MAMDC4: variants seen among roughly 807,000 people sequenced by gnomAD.
MAMDC4 encodes the protein apical endosomal glycoprotein.
A neutral mutation model predicts 153.3 loss-of-function variants in MAMDC4; 168 were observed. The ratio of observed to expected loss-of-function variants is 1.10; its 90% CI spans 0.97 to 1.25. The LOEUF (loss-of-function observed/expected upper bound fraction) is 1.25, where lower values mean the gene tolerates loss of function less well. MAMDC4 is among the 50% of genes most tolerant of loss of function. The pLI, the probability that MAMDC4 is intolerant of heterozygous loss-of-function variation, is 0.00. For missense variants in MAMDC4, 1,701 were observed against 1,542.8 expected (o/e 1.10, Z -1.72); for synonymous variants, 744 against 651.5 (o/e 1.14, Z -2.16).
rs749447496 is a variant in MAMDC4, at chr9:136,855,502, C to T, written c.1354C>T (p.Arg452Trp). 58 of 1,595,768 alleles carry T rather than the reference C, an allele frequency of 3.6e-5. No homozygotes were observed. Among genetic ancestry groups the T allele is most frequent in the Non-Finnish European group, 4.6e-5 (54 of 1,171,700 alleles). Residue 452 changes from arginine (R) to tryptophan (W), a missense_variant, in exon 12 of 27, where the codon CGG becomes TGG. Arg to Trp is a moderately radical substitution (Grantham distance 101). Coordinates refer to ENST00000317446, the MANE Select transcript of MAMDC4 (RefSeq NM_206920.3). Reference protein sequence around the residue: ...PAPQPLPPSSRLQDSCKQGHL... With the variant: ...PAPQPLPPSSWLQDSCKQGHL... Reference sequence around the variant, plus strand: ...CCCCCAGCCCCTGCCGCCCAGCTCGCGGCTCCAGGATTCCTGCAAGCAGGG... The same window carrying T: ...CCCCCAGCCCCTGCCGCCCAGCTCGTGGCTCCAGGATTCCTGCAAGCAGGG...
rs1042741652 is a variant in MAMDC4 at position 136,853,050 on chromosome 9, G to A, written c.47-52G>A. 4.0e-6 allele frequency: 6 copies of A among 1,492,666 alleles called. No individual in the cohort carries two copies. In the Admixed American group the frequency reaches 8.5e-5, roughly 21 times the overall value. 92.5% of individuals were successfully genotyped at this position (1,492,666 alleles called of 1,614,324 possible). Reference sequence around the variant, plus strand: ...AAACTGAATAGTCCTAGGCAGGCTGGGATGGCTGGTCACCCTGCCCCCAGG... The same window carrying A: ...AAACTGAATAGTCCTAGGCAGGCTGAGATGGCTGGTCACCCTGCCCCCAGG... On this transcript the variant is annotated intron_variant, in intron 1 of 26. Transcript: ENST00000317446.
chr9:136,854,922 C>A lies in MAMDC4; in HGVS notation c.1024-15C>A, dbSNP rs916254907. On this transcript the variant is annotated splice_polypyrimidine_tract_variant and intron_variant, in intron 9 of 26. Transcript: ENST00000317446. ...TGCCCCGGTGCAGGCCCCCAGCCAG[C>A]TCTTGGTTCCACAGCTGGTCTTCTA... The A allele has an allele frequency of 2.5e-6, 4 of 1,612,210 alleles. No homozygotes were observed. In the African/African-American group the frequency reaches 5.3e-5, roughly 21 times the overall value.
In MAMDC4 at chr9:136,855,829, G is replaced by A. The variant is rs1848996772; in HGVS notation, c.1569G>A (p.Gly523=). The A allele has an allele frequency of 1.3e-6, 2 of 1,520,322 alleles. No individual in the cohort carries two copies. Among genetic ancestry groups the A allele is most frequent in the African/African-American group, 1.4e-5 (1 of 72,380 alleles). The allele number at this position is 1,520,322 out of a possible 1,614,324, so 94.2% of individuals were successfully genotyped here. A position where few individuals can be genotyped will look rare whatever the true frequency, so the allele number is the denominator to read the frequency against. ...WRRVSAQESQ[G]SSAAAAGHFL... ...GTGTCTCAGCCCAGGAGAGCCAGGGGTCCAGTGCAGCTGCTGCTGGTGAGG... is the reference window on the plus strand; with the variant it reads ...GTGTCTCAGCCCAGGAGAGCCAGGGATCCAGTGCAGCTGCTGCTGGTGAGG... The change falls in exon 13 of 27, where the codon GGG becomes GGA. Residue 523 remains glycine (G), a synonymous_variant. Coordinates refer to ENST00000317446, the MANE Select transcript of MAMDC4 (RefSeq NM_206920.3).
At position 136,853,274 on chromosome 9, in the gene MAMDC4, C is replaced by G. The variant is rs1252760691; in HGVS notation, c.155-11C>G. On this transcript the variant is annotated splice_polypyrimidine_tract_variant and intron_variant, in intron 2 of 26. Transcript: ENST00000317446. ...CAGGTCTGGCACACACCTGACCACCCACTCTCCCAGGTTACCACGGGGCCT... is the reference window on the plus strand; with the variant it reads ...CAGGTCTGGCACACACCTGACCACCGACTCTCCCAGGTTACCACGGGGCCT... The G allele has an allele frequency of 1.2e-6, 2 of 1,605,368 alleles. No homozygotes were observed. Among genetic ancestry groups the G allele is most frequent in the Non-Finnish European group, 1.7e-6 (2 of 1,174,452 alleles).
chr9:136,855,597 G>T lies in MAMDC4; in HGVS notation c.1449G>T (p.Gly483=). ...QLCDFEEQCA[G]GEDEQACGTT... Reference sequence around the variant, plus strand: ...GTGACTTCGAGGAGCAGTGCGCAGGGGGCGAGGACGAGCAGGCCTGTGGTA... The same window carrying T: ...GTGACTTCGAGGAGCAGTGCGCAGGTGGCGAGGACGAGCAGGCCTGTGGTA... Residue 483 remains glycine, a synonymous_variant, in exon 12 of 27, where the codon GGG becomes GGT. Coordinates refer to ENST00000317446, the MANE Select transcript of MAMDC4 (RefSeq NM_206920.3). 6.3e-7 allele frequency: 1 copy of T among 1,584,800 alleles called. No individual in the cohort carries two copies. The highest frequency in any genetic ancestry group is 2.3e-5 in the East Asian group (1 of 43,676).
chr9:136,854,153 C>T, intron 6 of MAMDC4, 58 bp from the exon 7 acceptor site: 1 of 1,611,202 alleles, frequency 6.2e-7, no homozygotes, highest in Non-Finnish European at 8.5e-7. Flanking sequence ...CCCTGTCTGC[C>T]CCCGAGTGCT....
In MAMDC4 at chr9:136,857,293, T is replaced by C. The variant is rs1849019740; in HGVS notation, c.2101T>C (p.Tyr701His). 1 of 1,604,046 alleles carries C rather than the reference T, an allele frequency of 6.2e-7. No individual in the cohort carries two copies. Among genetic ancestry groups the C allele is most frequent in the South Asian group, 1.1e-5 (1 of 90,016 alleles). Residue 701 changes from tyrosine to histidine, a missense_variant, in exon 17 of 27, where the codon TAC (tyrosine) becomes CAC (histidine). By Grantham distance (83) the Tyr-to-His change is moderately conservative. Transcript: ENST00000317446. ...CCACCAGCCTGGCTCCCATGCCCAG[T>C]ACCAGGTGAGGCCTGGCACCCGGGT... ...LSHQPGSHAQ[Y>H]QLLFEGLRDG... is the part of the protein sequence containing the mutation.
chr9:136,853,986 C>T lies in MAMDC4; in HGVS notation c.586-6C>T, dbSNP rs756058841. ...GACTTAGGTCCTAAGAGCCTGTTCT[C>T]TTCAGGTGACCTTCTCTGCCACCCG... is the stretch of plus-strand genomic sequence containing the variant. On this transcript the variant is annotated splice_region_variant and splice_polypyrimidine_tract_variant and intron_variant, in intron 5 of 26. Transcript: ENST00000317446. 37 of 1,612,842 alleles carry T rather than the reference C, an allele frequency of 2.3e-5. No homozygotes were observed. The highest frequency in any genetic ancestry group is 5.3e-5 in the African/African-American group (4 of 74,880).
In MAMDC4 at chr9:136,859,969, G is replaced by T. The variant is rs1849062015; in HGVS notation, c.3277G>T (p.Gly1093Trp). Reference protein sequence around the residue: ...LLMLLVLLGLGGRRWLQKKGS... With the variant: ...LLMLLVLLGLWGRRWLQKKGS... ...CATGCTCCTGGTGCTGCTGGGACTT[G>T]GGGGACGGCGCTGGCTGCAGAAGAA... The change falls in exon 26 of 27, where the codon GGG becomes TGG. Residue 1093 changes from glycine (G) to tryptophan (W), a missense_variant. Coordinates refer to ENST00000317446, the MANE Select transcript of MAMDC4 (RefSeq NM_206920.3). 6.2e-7 allele frequency: 1 copy of T among 1,612,926 alleles called. No individual in the cohort carries two copies. Among genetic ancestry groups the T allele is most frequent in the African/African-American group, 1.3e-5 (1 of 74,924 alleles).
chr9:136,857,139 G>A (rs761925494), intron 16 of MAMDC4, 26 bp from the exon 17 acceptor site: 3 of 1,611,926 alleles, frequency 1.9e-6, no homozygotes, highest in Non-Finnish European at 2.5e-6. Flanking sequence ...AGAGAGGTCA[G>A]TTATGGACTG....
At chr9:136,860,381 T>C (rs1026838970) in intron 26 of MAMDC4, among the ~76,000 whole-genome samples, 181 bp from the exon 27 acceptor site, 10 of 152,024 alleles carry the variant, frequency 6.6e-5, no homozygotes, top group Non-Finnish European at 1.5e-4. Context: ...ATTAGCTGGG[T>C]ATGGTGGCAG....
At chr9:136,856,379 C>T (rs758715335) in intron 14 of MAMDC4, 8 of 856,414 alleles carry the variant, frequency 9.3e-6, no homozygotes, top group East Asian at 7.3e-5. Context: ...CCGGCCCTTC[C>T]GGGTGAGGAG....
chr9:136,859,328 G>A lies in MAMDC4; in HGVS notation c.3193+11G>A, dbSNP rs766036112. The stretch of plus-strand genomic sequence containing the variant: ...CTGCCCCCAGCCCGGGTGAGCCCTG[G>A]GCTGCAGTGGAGGCACGGAGGAGGG... On this transcript the variant is annotated intron_variant, in intron 25 of 26. Coordinates refer to ENST00000317446, the MANE Select transcript of MAMDC4 (RefSeq NM_206920.3). 2.3e-5 allele frequency: 37 copies of A among 1,603,796 alleles called. No individual in the cohort carries two copies. Among genetic ancestry groups the A allele is most frequent in the East Asian group, 1.6e-4 (7 of 44,834 alleles).
At chr9:136,857,333 G>A (rs760702531) in intron 17 of MAMDC4, 34 bp from the exon 18 acceptor site, 36 of 1,607,550 alleles carry the variant, frequency 2.2e-5, no homozygotes, top group Non-Finnish European at 3.1e-5. Context: ...GGACAGGGCA[G>A]GGCCCCTGGC....
At chr9:136,857,088 G>A (rs755783010) in intron 16 of MAMDC4, 47 bp downstream of exon 16, 6 of 1,603,462 alleles carry the variant, frequency 3.7e-6, no homozygotes, top group Non-Finnish European at 5.1e-6. Flanking sequence ...AGGCCCCCGG[G>A]GGTTCAGAGT....
chr9:136,857,407 T>G lies in MAMDC4; in HGVS notation c.2147T>G (p.Met716Arg). The change falls in exon 18 of 27, where the codon ATG (methionine) becomes AGG (arginine). Residue 716 changes from methionine to arginine, a missense_variant. Met to Arg is a moderately conservative substitution (Grantham distance 91). Transcript: ENST00000317446. The part of the protein sequence containing the change: ...EGLRDGYHGT[M>R]ALDDVAVRPG... ...CTCCGGGACGGATACCACGGCACCA[T>G]GGCGCTGGACGATGTGGCCGTGCGG... The G allele has an allele frequency of 6.2e-7, 1 of 1,608,210 alleles. No homozygotes were observed. The highest frequency in any genetic ancestry group is 8.5e-7 in the Non-Finnish European group (1 of 1,179,886).
chr9:136,859,864 C>T, intron 25 of MAMDC4, 22 bp from the exon 26 acceptor site: 1 of 1,610,756 alleles, frequency 6.2e-7, no homozygotes, highest in Non-Finnish European at 8.5e-7. Flanking sequence ...TTGGAGGGCT[C>T]ACATGTCCCT....
chr9:136,857,468 T>G lies in MAMDC4; in HGVS notation c.2208T>G (p.Phe736Leu), dbSNP rs763327922. The change falls in exon 18 of 27, where the codon TTT (phenylalanine) becomes TTG (leucine). Residue 736 changes from phenylalanine (F) to leucine (L), a missense_variant. By Grantham distance (22) the Phe-to-Leu change is conservative. Coordinates refer to ENST00000317446, the MANE Select transcript of MAMDC4 (RefSeq NM_206920.3). ...GPCWAPNYCSFEDSDCGFSPG... is the reference protein window; with the variant it reads ...GPCWAPNYCSLEDSDCGFSPG... The stretch of plus-strand genomic sequence containing the variant: ...GCTGGGCCCCTAATTACTGCTCCTT[T>G]GAGGACTCAGACTGCGGCTTCTCCC... 6 of 1,608,988 alleles carry G rather than the reference T, an allele frequency of 3.7e-6. No homozygotes were observed. The highest frequency in any genetic ancestry group is 5.1e-6 in the Non-Finnish European group (6 of 1,179,936).
chr9:136,853,759 G>A lies in MAMDC4; in HGVS notation c.455-18G>A, dbSNP rs748030794. Reference sequence around the variant, plus strand: ...GACAAGCAGGGCCGCAGCTGCCCTGGGACCCCTGACATTGCAGATGTGGCT... The same window carrying A: ...GACAAGCAGGGCCGCAGCTGCCCTGAGACCCCTGACATTGCAGATGTGGCT... On this transcript the variant is annotated intron_variant, in intron 4 of 26. Transcript: ENST00000317446. 1 of 1,607,450 alleles carries A rather than the reference G, an allele frequency of 6.2e-7. No homozygotes were observed. Among genetic ancestry groups the A allele is most frequent in the South Asian group, 1.1e-5 (1 of 90,804 alleles).
Sources: allele counts gnomAD v4.1 joint callset (sites outside exome capture counted in the v4.1 genomes callset), GRCh38; gene constraint gnomAD v4.1.1; transcripts MANE v1.5; gene names NCBI Gene and HGNC (gene_info 2026-07-23, HGNC 2026-07-21).